The following SAMD3 variants were observed in gnomAD, a reference collection of about 807,000 sequenced individuals.
SAMD3 encodes the protein sterile alpha motif domain containing 3.
Under a neutral mutation model 58.5 loss-of-function variants are expected in SAMD3, and 63 were observed. That is an observed-to-expected ratio of 1.08 (90% CI 0.88 to 1.33). The LOEUF (loss-of-function observed/expected upper bound fraction) is 1.33, where lower values mean the gene tolerates loss of function less well. Among genes scored for constraint, SAMD3 ranks in the 40% most tolerant of loss-of-function variants. The pLI is 0.00. For missense variants in SAMD3, 604 were observed against 608.4 expected, an observed-to-expected ratio of 0.99 and a Z score of 0.08; for synonymous variants, 220 against 210.3, an observed-to-expected ratio of 1.05 and a Z score of -0.40.
intron 2 of SAMD3, among the ~76,000 whole-genome samples, chr6:130,292,600 T>TTTTG (rs139764816): frequency 0.18 from 24,798 of 136,602 alleles, 2,298 homozygotes; most frequent in East Asian, 0.37. Context: ...AACAACTCTT[T>TTTTG]TTTGTTTGTT....
At chr6:130,318,413 T>C in intron 1 of SAMD3, among the ~76,000 whole-genome samples, 1 of 152,234 alleles carries the variant, frequency 6.6e-6, no homozygotes, top group East Asian at 1.9e-4. Context: ...GTTTGACATC[T>C]AATAAAAAAA....
chr6:130,286,748 G>T (rs964946136), intron 2 of SAMD3, among the ~76,000 whole-genome samples: 15 of 152,132 alleles, frequency 9.9e-5, no homozygotes, highest in Non-Finnish European at 1.6e-4. Context: ...GTCTTGCTCT[G>T]TCGCCCAGGC....
intron 9 of SAMD3, among the ~76,000 whole-genome samples, chr6:130,150,129 G>A (rs915034357): frequency 6.6e-6 from 1 of 152,042 alleles, no homozygotes; most frequent in African/African-American, 2.4e-5. Context: ...GTGTGTGTGT[G>A]CGTGTATTTC....
intron 1 of SAMD3, among the ~76,000 whole-genome samples, chr6:130,361,179 T>C (rs1488559695): frequency 6.6e-6 from 1 of 152,162 alleles, no homozygotes; most frequent in Non-Finnish European, 1.5e-5. Context: ...GGATATTGAT[T>C]GGGGAAGTGA....
At position 130,153,647 on chromosome 6, in the gene SAMD3, C is replaced by CATATATATAT. The variant is rs1196709383; in HGVS notation, c.1023+1168_1023+1177dup. On this transcript the variant is annotated intron_variant, in intron 9 of 11. Transcript: ENST00000439090. ...TTTGATTGATTTACCCATTAAATTT[C>CATATATATAT]ATATATATATATATATATTTATTTA... Among the ~76,000 whole-genome samples, 623 of 96,694 alleles carry CATATATATAT rather than the reference C, an allele frequency of 6.4e-3. 19 individuals carry two copies. Among genetic ancestry groups the CATATATATAT allele is most frequent in the Non-Finnish European group, 0.012 (506 of 43,014 alleles). The allele number at this position is 96,694 out of a possible 152,430, so 63.4% of individuals were successfully genotyped here.
Position 130,214,480 on chromosome 6 carries a change from C to T in SAMD3, c.126G>A (p.Met42Ile). The T allele has an allele frequency of 6.2e-7, 1 of 1,610,868 alleles. No individual in the cohort carries two copies. Among genetic ancestry groups the T allele is most frequent in the Non-Finnish European group, 8.5e-7 (1 of 1,178,556 alleles). Residue 42 changes from methionine to isoleucine, a missense_variant, in exon 4 of 12, where the codon ATG (methionine) becomes ATA (isoleucine). Coordinates refer to ENST00000439090, the MANE Select transcript of SAMD3 (RefSeq NM_001017373.4). Reference protein sequence around the residue: ...GAALLALNDRMVQQLVKKIGH... With the variant: ...GAALLALNDRIVQQLVKKIGH... ...CAATTTTCTTTACCAGTTGCTGAAC[C>T]ATCCGATCATTAAGTGCAAGAAGAG...
At chr6:130,304,468 A>G (rs1247141387) in intron 2 of SAMD3, among the ~76,000 whole-genome samples, 2 of 152,158 alleles carry the variant, frequency 1.3e-5, no homozygotes, top group Admixed American at 1.3e-4. Context: ...TCATAAATCA[A>G]GTTTCCATAA....
At chr6:130,179,810 CTTT>C (rs71028199) in intron 7 of SAMD3, among the ~76,000 whole-genome samples, 2 of 116,242 alleles carry the variant, frequency 1.7e-5, no homozygotes, top group African/African-American at 6.5e-5. Flanking sequence ...TGTCCTTATT[CTTT>C]TTTTTTTTTT....
intron 1 of SAMD3, among the ~76,000 whole-genome samples, chr6:130,219,468 CTT>C (rs1353292079): frequency 6.6e-6 from 1 of 152,132 alleles, no homozygotes; most frequent in African/African-American, 2.4e-5. Context: ...AATTTGTAGT[CTT>C]TTATCTCTCA....
At chr6:130,150,500 C>G (rs1342259518) in intron 9 of SAMD3, among the ~76,000 whole-genome samples, 1 of 152,100 alleles carries the variant, frequency 6.6e-6, no homozygotes, top group Non-Finnish European at 1.5e-5. Context: ...AAATTTTGTT[C>G]TGATAGGCAG....
At chr6:130,150,992 G>A (rs1440323682) in intron 9 of SAMD3, among the ~76,000 whole-genome samples, 2 of 152,066 alleles carry the variant, frequency 1.3e-5, no homozygotes, top group African/African-American at 2.4e-5. Context: ...GATTACAGGC[G>A]TGAGCCACCA....
At chr6:130,232,975 G>A (rs1796589109) in intron 2 of SAMD3, among the ~76,000 whole-genome samples, 1 of 152,176 alleles carries the variant, frequency 6.6e-6, no homozygotes, top group South Asian at 2.1e-4. Flanking sequence ...CGTGACACGA[G>A]CTGAGATTAC....
intron 1 of SAMD3, among the ~76,000 whole-genome samples, chr6:130,318,057 C>T (rs1776445412): frequency 6.6e-6 from 1 of 152,176 alleles, no homozygotes. Flanking sequence ...TCAACACATG[C>T]ATGTTAGGAA....
intron 1 of SAMD3, among the ~76,000 whole-genome samples, chr6:130,316,134 T>C (rs539531650): frequency 9.7e-4 from 147 of 151,648 alleles, no homozygotes; most frequent in African/African-American, 3.4e-3. Flanking sequence ...CTACTAAAAA[T>C]ACAAAAATTA....
intron 9 of SAMD3, among the ~76,000 whole-genome samples, chr6:130,147,554 C>G (rs1001101949): frequency 6.6e-6 from 1 of 152,200 alleles, no homozygotes; most frequent in Non-Finnish European, 1.5e-5. Flanking sequence ...ACAGAACTTA[C>G]AAGTGCCCTC....
intron 1 of SAMD3, among the ~76,000 whole-genome samples, chr6:130,328,265 A>G (rs1776818775): frequency 6.6e-6 from 1 of 152,160 alleles, no homozygotes; most frequent in South Asian, 2.1e-4. Context: ...ACCTGGAGCT[A>G]TGTGCCCTGG....
intron 2 of SAMD3, among the ~76,000 whole-genome samples, chr6:130,269,546 G>C (rs1342325656): frequency 1.3e-5 from 2 of 152,060 alleles, no homozygotes; most frequent in Non-Finnish European, 2.9e-5. Context: ...ATGGCTAAAG[G>C]ATTGGTAGTA....
chr6:130,176,195 G>A (rs370628299), intron 7 of SAMD3, 187 bp from the exon 8 acceptor site: 1 of 667,098 alleles, frequency 1.5e-6, no homozygotes, highest in Non-Finnish European at 2.7e-6. Context: ...CACTGCTACA[G>A]AAATTATAAA....
chr6:130,331,907 G>T (rs537629972), intron 1 of SAMD3, among the ~76,000 whole-genome samples: 1 of 152,328 alleles, frequency 6.6e-6, no homozygotes, highest in Non-Finnish European at 1.5e-5. Context: ...TGGACATCGA[G>T]GTGAAGTAGG....
Sources: allele counts gnomAD v4.1 joint callset (sites outside exome capture counted in the v4.1 genomes callset), GRCh38; gene constraint gnomAD v4.1.1; transcripts MANE v1.5; gene names NCBI Gene and HGNC (gene_info 2026-07-23, HGNC 2026-07-21).